TOM1: variants seen among roughly 807,000 people sequenced by gnomAD.
TOM1 encodes target of Myb protein 1.
TOM1 carries 38 observed loss-of-function variants against 61.3 expected under a neutral mutation model. The observed-to-expected ratio is 0.62, with a 90% CI of 0.48 to 0.81. The LOEUF is 0.81. TOM1 is among the 40% of genes least tolerant of loss of function. The probability of loss-of-function intolerance (pLI) is 0.00; values close to 1 mark genes in which losing one functional copy is unlikely to be tolerated. For synonymous variants in TOM1, 270 were observed against 268.8 expected (o/e 1.00, Z -0.04); for missense variants, 591 against 659.6 (o/e 0.90, Z 1.14).
At chr22:35,314,456 CG>C (rs113100190) in intron 1 of TOM1, among the ~76,000 whole-genome samples, 13,923 of 151,970 alleles carry the variant, frequency 0.092, 817 homozygotes, top group South Asian at 0.14. Context: ...GGGGTGGGGG[CG>C]GGGGGTCCTT....
In TOM1 at chr22:35,323,125, C is replaced by T; in HGVS notation, c.314C>T (p.Pro105Leu). 6.2e-7 allele frequency: 1 copy of T among 1,614,146 alleles called. No homozygotes were observed. Among genetic ancestry groups the T allele is most frequent in the Non-Finnish European group, 8.5e-7 (1 of 1,180,030 alleles). ...VESVLVRTIL[P>L]KNNPPTIVHD... ...AGTGTGCTGGTGAGGACCATCCTGC[C>T]CAAGAACAACCCACCCACCATCGTG... Residue 105 changes from proline (P) to leucine (L), a missense_variant, in exon 4 of 15, where the codon CCC becomes CTC. Coordinates refer to ENST00000449058, the MANE Select transcript of TOM1 (RefSeq NM_005488.3). This position sits in a 1 kb window ranked among gnomAD's most constrained non-coding sequence, Gnocchi z 4.2.
chr22:35,337,163 C>T (rs1048649090), intron 11 of TOM1, among the ~76,000 whole-genome samples: 37 of 152,128 alleles, frequency 2.4e-4, no homozygotes, highest in Non-Finnish European at 4.7e-4. Context: ...GTCTCGATCT[C>T]CTGACCTCGT....
Position 35,347,131 on chromosome 22 carries a change from G to GCCCCCGGGT in TOM1, c.1407_1415dup (p.Gly470_Pro472dup). The GCCCCCGGGT allele has an allele frequency of 6.2e-7, 1 of 1,613,140 alleles. No individual in the cohort carries two copies. Among genetic ancestry groups the GCCCCCGGGT allele is most frequent in the Middle Eastern group, 1.7e-4 (1 of 6,054 alleles). On this transcript the variant is annotated inframe_insertion, in exon 15 of 15. Coordinates refer to ENST00000449058, the MANE Select transcript of TOM1 (RefSeq NM_005488.3). The stretch of plus-strand genomic sequence containing the variant: ...ACCTCTCCAGCCCCTCAGCTGAGGG[G>GCCCCCGGGT]CCCCCGGGTCCCCCATCTGGCCCAG...
At chr22:35,326,565 G>A (rs928666240) in intron 6 of TOM1, among the ~76,000 whole-genome samples, 2 of 152,288 alleles carry the variant, frequency 1.3e-5, no homozygotes, top group South Asian at 2.1e-4. Context: ...GATGAGCCTG[G>A]GACACCAAAA....
chr22:35,333,312 C>A, intron 9 of TOM1, 92 bp from the exon 10 acceptor site: 1 of 1,234,122 alleles, frequency 8.1e-7, no homozygotes, highest in Non-Finnish European at 1.2e-6. Flanking sequence ...GTGACAGATC[C>A]CTGGGCAAAG....
intron 11 of TOM1, among the ~76,000 whole-genome samples, 184 bp downstream of exon 11, chr22:35,334,632 G>A (rs1056107543): frequency 2.0e-5 from 3 of 152,164 alleles, no homozygotes; most frequent in African/African-American, 4.8e-5. Flanking sequence ...GACAGACTGC[G>A]CTCCCCACAG....
chr22:35,346,724 G>A (rs1374721705), intron 13 of TOM1, among the ~76,000 whole-genome samples: 3 of 152,144 alleles, frequency 2.0e-5, no homozygotes, highest in African/African-American at 7.2e-5. Context: ...CAAGGCTCAG[G>A]AAGTCAGGTG....
At chr22:35,338,185 C>T (rs1387913657) in intron 11 of TOM1, among the ~76,000 whole-genome samples, 1 of 152,180 alleles carries the variant, frequency 6.6e-6, no homozygotes, top group Non-Finnish European at 1.5e-5. Flanking sequence ...AGAGCTGTAA[C>T]CAAGCCACCT....
chr22:35,323,385 T>TAA lies in TOM1; in HGVS notation c.367-97_367-96dup, dbSNP rs77565301. 1,586 of 1,303,336 alleles carry TAA rather than the reference T, an allele frequency of 1.2e-3. No individual in the cohort carries two copies. The highest frequency in any genetic ancestry group is 1.6e-3 in the Admixed American group (71 of 44,922). The allele number at this position is 1,303,336 out of a possible 1,614,324, so 80.7% of individuals were successfully genotyped here. On this transcript the variant is annotated intron_variant, in intron 4 of 14. Coordinates refer to ENST00000449058, the MANE Select transcript of TOM1 (RefSeq NM_005488.3). The surrounding 1 kb of genome is among the most constrained non-coding windows in gnomAD (Gnocchi z 4.2). ...GTGGAGTGGGCAGGGCAGATGTAGT[T>TAA]AAAAAAAAAAAAAAAGCAGGGAAAG...
At chr22:35,338,907 C>A in intron 12 of TOM1, 119 bp downstream of exon 12, 1 of 922,548 alleles carries the variant, frequency 1.1e-6, no homozygotes, top group Non-Finnish European at 1.5e-6. Flanking sequence ...GGCCCTTCCT[C>A]GTTTGGCCGT....
Position 35,323,079 on chromosome 22 carries a change from G to A in TOM1, c.268G>A (p.Ala90Thr), listed in dbSNP as rs367816016. 121 of 1,614,026 alleles carry A rather than the reference G, an allele frequency of 7.5e-5. No individual in the cohort carries two copies. Among genetic ancestry groups the A allele is most frequent in the African/African-American group, 3.6e-4 (27 of 74,932 alleles). The change falls in exon 4 of 15, where the codon GCC becomes ACC. Residue 90 changes from alanine to threonine, a missense_variant. Ala to Thr is a moderately conservative substitution (Grantham distance 58, BLOSUM62 0). Coordinates refer to ENST00000449058, the MANE Select transcript of TOM1 (RefSeq NM_005488.3). This position sits in a 1 kb window ranked among gnomAD's most constrained non-coding sequence, Gnocchi z 4.2. ...CGGGCACCGCTTCCACGTGCTGGTG[G>A]CCAGCCAGGACTTCGTGGAGAGTGT... ...NCGHRFHVLVASQDFVESVLV... is the reference protein window; with the variant it reads ...NCGHRFHVLVTSQDFVESVLV...
rs569983054 is a variant in TOM1, at chr22:35,343,547, CCA to C, written c.1225-2170_1225-2169del. ...CACACCACACACACATCTACACCCA[CCA>C]CACACACCTACACACACCACACCTA... On this transcript the variant is annotated intron_variant, in intron 12 of 14. Transcript: ENST00000449058. 2.8e-4 allele frequency among the ~76,000 whole-genome samples: 39 copies of C among 139,028 alleles called. No individual in the cohort carries two copies. The South Asian group carries it at 3.3e-3, about 12-fold the overall frequency. The allele number at this position is 139,028 out of a possible 152,430, so 91.2% of individuals were successfully genotyped here.
chr22:35,342,930 C>A (rs1225905342), intron 12 of TOM1, among the ~76,000 whole-genome samples: 1 of 138,836 alleles, frequency 7.2e-6, no homozygotes, highest in Non-Finnish European at 1.5e-5. Context: ...ACACGTCATA[C>A]CTCCACTCAT....
In TOM1 at chr22:35,304,933, G is replaced by T. The variant is rs141207336; in HGVS notation, c.52+4953G>T. Among the ~76,000 whole-genome samples, 1,144 of 152,372 alleles carry T rather than the reference G, an allele frequency of 7.5e-3. 6 individuals carry two copies. The highest frequency in any genetic ancestry group is 0.011 in the Non-Finnish European group (761 of 68,044). On this transcript the variant is annotated intron_variant, in intron 1 of 14. Coordinates refer to ENST00000449058, the MANE Select transcript of TOM1 (RefSeq NM_005488.3). ...AAATATGGGCAGTCCCTGGGGATGA[G>T]CCTCAGTGGTTGGGGTGGTGGGAGC...
chr22:35,327,244 C>G lies in TOM1; in HGVS notation c.649-27C>G, dbSNP rs1211760052. On this transcript the variant is annotated intron_variant, in intron 6 of 14. Transcript: ENST00000449058. ...CATGGGCCCCAGAACCCTGGCTTCT[C>G]TCACCACGATCAACTGTGTGTTTCA... The G allele has an allele frequency of 1.9e-6, 3 of 1,606,012 alleles. No homozygotes were observed. In the Admixed American group the frequency reaches 5.0e-5, roughly 27 times the overall value.
At chr22:35,321,934 C>T in intron 2 of TOM1, 25 bp from the exon 3 acceptor site, 1 of 1,608,748 alleles carries the variant, frequency 6.2e-7, no homozygotes. Context: ...ATTCCTAAGC[C>T]CACCCTTTTT....
chr22:35,319,255 A>C (rs902338760), intron 2 of TOM1, among the ~76,000 whole-genome samples: 1 of 152,070 alleles, frequency 6.6e-6, no homozygotes, highest in African/African-American at 2.4e-5. Flanking sequence ...CCTTATAAAC[A>C]TGGGAGGAAC....
chr22:35,300,509 C>G (rs1925656383), intron 1 of TOM1, among the ~76,000 whole-genome samples: 1 of 152,260 alleles, frequency 6.6e-6, no homozygotes, highest in Non-Finnish European at 1.5e-5. Flanking sequence ...CCAGGCCTCA[C>G]AGACCCGGGT....
chr22:35,322,533 T>C (rs775772069), intron 3 of TOM1: 5 of 190,158 alleles, frequency 2.6e-5, no homozygotes, highest in Non-Finnish European at 3.2e-5. Flanking sequence ...GGGGAAGATA[T>C]AAATGCTGTC....
Sources: gnomAD v4.1 joint callset for allele counts (sites outside exome capture counted in the v4.1 genomes callset) on GRCh38, gnomAD v4.1.1 for gene constraint, Gnocchi (gnomAD v3.1) non-coding constraint, MANE v1.5 for transcripts, NCBI Gene and HGNC (gene_info 2026-07-23, HGNC 2026-07-21) for gene names.